Variants in OSBPL1A observed in about 807,000 individuals in gnomAD.
OSBPL1A encodes the protein oxysterol-binding protein-related protein 1.
In OSBPL1A, 80 loss-of-function variants were observed where a neutral mutation model predicts 137.1. That is an observed-to-expected ratio of 0.58 (90% CI 0.49 to 0.70). The LOEUF (loss-of-function observed/expected upper bound fraction) is 0.70, where lower values mean the gene tolerates loss of function less well. Among genes scored for constraint, OSBPL1A ranks in the 30% least tolerant of loss-of-function variants. The pLI is 0.00. For missense variants in OSBPL1A, 970 were observed against 1,129.4 expected, an observed-to-expected ratio of 0.86 and a Z score of 2.02; for synonymous variants, 365 against 389.7, an observed-to-expected ratio of 0.94 and a Z score of 0.75.
intron 11 of OSBPL1A, among the ~76,000 whole-genome samples, chr18:24,316,608 GACA>G (rs1389533861): frequency 2.6e-5 from 4 of 152,074 alleles, no homozygotes; most frequent in African/African-American, 9.7e-5. Context: ...TAATCAAGAA[GACA>G]ACAATCATAA....
chr18:24,324,466 A>G (rs1481607250), intron 7 of OSBPL1A, among the ~76,000 whole-genome samples: 1 of 78,800 alleles, frequency 1.3e-5, no homozygotes, highest in Admixed American at 1.0e-4. Flanking sequence ...AAAAAAAAAA[A>G]AAAAAAAAAA....
Position 24,225,240 on chromosome 18 carries a change from T to C in OSBPL1A, c.1445-42A>G, listed in dbSNP as rs368135395. 7 of 1,607,604 alleles carry C rather than the reference T, an allele frequency of 4.4e-6. No homozygotes were observed. The African/African-American group carries it at 5.3e-5, about 12-fold the overall frequency. On this transcript the variant is annotated intron_variant, in intron 16 of 27. Coordinates refer to ENST00000319481, the MANE Select transcript of OSBPL1A (RefSeq NM_080597.4). ...TCATAGTTAATGAATTGAACTTGGG[T>C]GTGAGGCTTCCGTAACAATGGATCC...
chr18:24,315,601 A>ATTG (rs201687258), intron 11 of OSBPL1A, among the ~76,000 whole-genome samples: 1 of 129,526 alleles, frequency 7.7e-6, no homozygotes, highest in Non-Finnish European at 1.6e-5. Context: ...TAATATTATT[A>ATTG]TATATTATAA....
At chr18:24,230,757 C>T (rs1408583154) in intron 16 of OSBPL1A, among the ~76,000 whole-genome samples, 13 of 152,142 alleles carry the variant, frequency 8.5e-5, no homozygotes. Context: ...AAACTTCTGA[C>T]CCCTGAAAAA....
chr18:24,331,907 G>A (rs760037416), intron 7 of OSBPL1A, among the ~76,000 whole-genome samples: 1 of 152,172 alleles, frequency 6.6e-6, no homozygotes, highest in Non-Finnish European at 1.5e-5. Flanking sequence ...CCAGAGTGGT[G>A]AAAAATGTGG....
At chr18:24,236,499 C>T (rs1248107399) in intron 16 of OSBPL1A, among the ~76,000 whole-genome samples, 1 of 152,158 alleles carries the variant, frequency 6.6e-6, no homozygotes, top group Non-Finnish European at 1.5e-5. Context: ...CTTGACAGGG[C>T]ATCTGACTCT....
intron 16 of OSBPL1A, among the ~76,000 whole-genome samples, chr18:24,234,823 A>G (rs1406871102): frequency 6.6e-6 from 1 of 152,212 alleles, no homozygotes; most frequent in African/African-American, 2.4e-5. Flanking sequence ...TACCTTCTCA[A>G]TATCAGGATA....
intron 4 of OSBPL1A, among the ~76,000 whole-genome samples, chr18:24,343,269 G>A (rs1236328456): frequency 3.9e-5 from 6 of 151,962 alleles, no homozygotes; most frequent in African/African-American, 7.2e-5. Context: ...TAACCATGAA[G>A]ACAAAAGGCT....
At chr18:24,187,224 C>T (rs1486534147) in intron 18 of OSBPL1A, among the ~76,000 whole-genome samples, 9 of 151,818 alleles carry the variant, frequency 5.9e-5, no homozygotes, top group South Asian at 2.1e-4. Flanking sequence ...TGGTGGTTGC[C>T]GGGCTGATGA....
intron 1 of OSBPL1A, among the ~76,000 whole-genome samples, chr18:24,384,597 G>T (rs868611399): frequency 7.1e-6 from 1 of 141,124 alleles, no homozygotes; most frequent in Non-Finnish European, 1.5e-5. Context: ...GGCCGGGGGC[G>T]GGTGGCTCAT....
intron 2 of OSBPL1A, among the ~76,000 whole-genome samples, chr18:24,369,447 T>C (rs1905439562): frequency 6.6e-6 from 1 of 152,220 alleles, no homozygotes; most frequent in Non-Finnish European, 1.5e-5. Context: ...CAAAGTCACC[T>C]GCCTTGATGG....
In OSBPL1A at chr18:24,365,064, A is replaced by G. The variant is rs1169545353; in HGVS notation, c.282+1828T>C. Among the ~76,000 whole-genome samples, 11 of 152,028 alleles carry G rather than the reference A, an allele frequency of 7.2e-5. No homozygotes were observed. In the South Asian group the frequency reaches 2.1e-3, roughly 29 times the overall value. ...AAAAAAAAAATCCAGAAACATTTAA[A>G]TTATGGTCAACTGATTTCCAGCAAA... On this transcript the variant is annotated intron_variant, in intron 4 of 27. Coordinates refer to ENST00000319481, the MANE Select transcript of OSBPL1A (RefSeq NM_080597.4).
At chr18:24,333,764 C>A (rs1274836713) in intron 6 of OSBPL1A, among the ~76,000 whole-genome samples, 1 of 152,138 alleles carries the variant, frequency 6.6e-6, no homozygotes, top group Non-Finnish European at 1.5e-5. Context: ...ACCTTTCAGT[C>A]TAATGTGGTA....
At chr18:24,320,487 G>A (rs546624245) in intron 7 of OSBPL1A, among the ~76,000 whole-genome samples, 2 of 152,172 alleles carry the variant, frequency 1.3e-5, no homozygotes, top group South Asian at 2.1e-4. Flanking sequence ...GAAAATACAG[G>A]GAAGGACATT....
intron 3 of OSBPL1A, chr18:24,367,478 C>CA (rs147354998): frequency 0.2 from 29,526 of 151,232 alleles, 3,285 homozygotes; most frequent in Middle Eastern, 0.29. Flanking sequence ...TCCGTCTCTA[C>CA]AAAAAATAGA....
intron 18 of OSBPL1A, among the ~76,000 whole-genome samples, chr18:24,189,463 G>T (rs2086831176): frequency 6.6e-6 from 1 of 152,190 alleles, no homozygotes; most frequent in South Asian, 2.1e-4. Context: ...TCCACTGACA[G>T]CCGGGGGCTG....
chr18:24,310,116 A>G (rs2090589665), intron 13 of OSBPL1A, among the ~76,000 whole-genome samples: 1 of 151,890 alleles, frequency 6.6e-6, no homozygotes, highest in South Asian at 2.1e-4. Context: ...GGAGAGGAAC[A>G]TGCAAAACGT....
chr18:24,308,634 C>A (rs903132182), intron 13 of OSBPL1A, among the ~76,000 whole-genome samples: 3 of 152,128 alleles, frequency 2.0e-5, no homozygotes, highest in African/African-American at 4.8e-5. Context: ...GAGCCTATCC[C>A]AGCACTGTCC....
chr18:24,368,526 T>G (rs1905352466), intron 2 of OSBPL1A, 154 bp from the exon 3 acceptor site: 1 of 604,118 alleles, frequency 1.7e-6, no homozygotes, highest in Admixed American at 2.8e-5. Context: ...GTGTAATGGG[T>G]GTAAAGGACG....
Sources: gnomAD v4.1 joint callset for allele counts (sites outside exome capture counted in the v4.1 genomes callset) on GRCh38, gnomAD v4.1.1 for gene constraint, MANE v1.5 for transcripts, NCBI Gene and HGNC (gene_info 2026-07-23, HGNC 2026-07-21) for gene names.